COL21A1: variants seen among roughly 807,000 people sequenced by gnomAD.
COL21A1 encodes collagen alpha-1(XXI) chain.
COL21A1 carries 149 observed loss-of-function variants against 137.9 expected under a neutral mutation model. The observed-to-expected ratio is 1.08, with a 90% CI of 0.95 to 1.24. The LOEUF is 1.24. Among genes scored for constraint, COL21A1 ranks in the 50% most tolerant of loss-of-function variants. The probability of loss-of-function intolerance (pLI) is 0.00; values close to 1 mark genes in which losing one functional copy is unlikely to be tolerated. For synonymous variants in COL21A1, 456 were observed against 391.5 expected, an observed-to-expected ratio of 1.16 and a Z score of -1.95; for missense variants, 1,167 against 1,158.4, an observed-to-expected ratio of 1.01 and a Z score of -0.11.
chr6:56,217,579 T>A lies in COL21A1; in HGVS notation c.-39+29808A>T, dbSNP rs77682073. 8.3e-3 allele frequency among the ~76,000 whole-genome samples: 1,260 copies of A among 152,190 alleles called. 20 individuals are homozygous for A. The highest frequency in any genetic ancestry group is 0.029 in the African/African-American group (1,216 of 41,566). On this transcript the variant is annotated intron_variant, in intron 1 of 29. Transcript: ENST00000244728. ...TTAGCAGATAGAATCTGAAGCACAA[T>A]AAGGTTAAATATTCTAACCAATATT...
chr6:56,065,679 T>C (rs978388316), intron 23 of COL21A1, among the ~76,000 whole-genome samples: 2 of 151,720 alleles, frequency 1.3e-5, no homozygotes, highest in Non-Finnish European at 2.9e-5. Flanking sequence ...GAAAGGCAGG[T>C]AGTTTCTTTT....
At chr6:56,113,863 G>C (rs1771664765) in intron 16 of COL21A1, among the ~76,000 whole-genome samples, 1 of 152,140 alleles carries the variant, frequency 6.6e-6, no homozygotes, top group Non-Finnish European at 1.5e-5. Flanking sequence ...AGGCCAGGCA[G>C]CATTCACCAT....
intron 1 of COL21A1, among the ~76,000 whole-genome samples, chr6:56,386,744 G>A (rs949543900): frequency 3.9e-5 from 6 of 152,054 alleles, no homozygotes; most frequent in Non-Finnish European, 8.8e-5. Flanking sequence ...AAGGTTGTAT[G>A]TAAGAAGGAT....
intron 1 of COL21A1, among the ~76,000 whole-genome samples, chr6:56,207,549 C>T (rs1002857044): frequency 4.6e-5 from 7 of 152,030 alleles, no homozygotes; most frequent in Non-Finnish European, 7.4e-5. Flanking sequence ...AATTAATAGC[C>T]TACCAACCAA....
chr6:56,108,445 G>T lies in COL21A1; in HGVS notation c.1759-6920C>A, dbSNP rs541944714. On this transcript the variant is annotated intron_variant, in intron 16 of 29. Coordinates refer to ENST00000244728, the MANE Select transcript of COL21A1 (RefSeq NM_030820.4). ...TGCAGCAAGCAAATAAAAATAAAAA[G>T]AAAACGTGTAATCCTGATACTGGAG... is the stretch of plus-strand genomic sequence containing the variant. Among the ~76,000 whole-genome samples the T allele has an allele frequency of 2.9e-3, 441 of 152,012 alleles. 1 individual carries two copies. The highest frequency in any genetic ancestry group is 6.8e-3 in the Middle Eastern group (2 of 294).
At chr6:56,357,977 T>C (rs1765872523) in intron 1 of COL21A1, among the ~76,000 whole-genome samples, 1 of 152,202 alleles carries the variant, frequency 6.6e-6, no homozygotes, top group African/African-American at 2.4e-5. Flanking sequence ...CTCAATTTCT[T>C]CGTACTTACC....
chr6:56,063,570 C>T (rs1270892825), intron 24 of COL21A1, among the ~76,000 whole-genome samples: 1 of 151,976 alleles, frequency 6.6e-6, no homozygotes, highest in Non-Finnish European at 1.5e-5. Context: ...CCAATCATTC[C>T]TCCTCTTGGT....
chr6:56,084,254 G>C (rs1171245293), intron 17 of COL21A1, among the ~76,000 whole-genome samples: 1 of 150,946 alleles, frequency 6.6e-6, no homozygotes, highest in Non-Finnish European at 1.5e-5. Context: ...AGAGAGATTA[G>C]ATTGCTTTAT....
intron 9 of COL21A1, among the ~76,000 whole-genome samples, chr6:56,159,837 G>A (rs1415457065): frequency 2.0e-5 from 3 of 151,872 alleles, no homozygotes; most frequent in Non-Finnish European, 4.4e-5. Flanking sequence ...AATTTGGCAC[G>A]GAAAAGGGAC....
chr6:56,088,974 TG>T (rs1356245168), intron 17 of COL21A1, among the ~76,000 whole-genome samples: 2 of 152,034 alleles, frequency 1.3e-5, no homozygotes, highest in Non-Finnish European at 2.9e-5. Flanking sequence ...TTTGTAGAGA[TG>T]GGGTTTTGCG....
chr6:56,376,829 A>G (rs1300718188), intron 1 of COL21A1, among the ~76,000 whole-genome samples: 1 of 81,374 alleles, frequency 1.2e-5, no homozygotes, highest in Admixed American at 1.4e-4. Context: ...ATCGACGCCC[A>G]CCCCCCACCC....
chr6:56,212,881 T>C (rs758089518), intron 1 of COL21A1, among the ~76,000 whole-genome samples: 18 of 152,070 alleles, frequency 1.2e-4, no homozygotes, highest in Non-Finnish European at 2.2e-4. Context: ...ATTATTTTTA[T>C]TCATTAATAG....
chr6:56,252,092 A>G (rs1451580178), upstream of COL21A1, among the ~76,000 whole-genome samples: 2 of 152,176 alleles, frequency 1.3e-5, no homozygotes, highest in Non-Finnish European at 2.9e-5. Flanking sequence ...CTTCTTTCAG[A>G]ATGAGCTTCA....
At chr6:56,322,215 T>A (rs569444681) in intron 1 of COL21A1, among the ~76,000 whole-genome samples, 19 of 152,188 alleles carry the variant, frequency 1.2e-4, no homozygotes, top group Non-Finnish European at 2.6e-4. Flanking sequence ...CACTGAAAAC[T>A]GCAATGCCTG....
At chr6:56,129,204 C>A (rs1183676802) in intron 12 of COL21A1, among the ~76,000 whole-genome samples, 2 of 152,102 alleles carry the variant, frequency 1.3e-5, no homozygotes, top group African/African-American at 4.8e-5. Flanking sequence ...ATTTCCGGAA[C>A]CTGTGGAGTA....
rs1369949997 is a variant in COL21A1 at position 56,356,765 on chromosome 6, C to T, written c.-39+37206G>A. On this transcript the variant is annotated intron_variant, in intron 1 of 28. Coordinates refer to the COL21A1 transcript ENST00000370819. Reference sequence around the variant, plus strand: ...TTTGCTGAAAATAATTAAAATTTCTCCATGGAGGAGCCCTGCTGCCCAATT... The same window carrying T: ...TTTGCTGAAAATAATTAAAATTTCTTCATGGAGGAGCCCTGCTGCCCAATT... 3.9e-5 allele frequency among the ~76,000 whole-genome samples: 6 copies of T among 152,274 alleles called. No individual in the cohort carries two copies. In the East Asian group the frequency reaches 9.7e-4, roughly 25 times the overall value.
At chr6:56,310,292 G>A (rs1445283577) in intron 1 of COL21A1, among the ~76,000 whole-genome samples, 1 of 152,174 alleles carries the variant, frequency 6.6e-6, no homozygotes, top group African/African-American at 2.4e-5. Context: ...GCTGCCACTA[G>A]AGGAAGTTTT....
At chr6:56,193,947 G>T (rs1032858444) in intron 1 of COL21A1, among the ~76,000 whole-genome samples, 1 of 152,022 alleles carries the variant, frequency 6.6e-6, no homozygotes, top group Non-Finnish European at 1.5e-5. Context: ...TAGAGACTGG[G>T]TTTCACCATA....
At chr6:56,171,798 G>A (rs11756939) in intron 3 of COL21A1, among the ~76,000 whole-genome samples, 14,938 of 151,528 alleles carry the variant, frequency 0.099, 933 homozygotes, top group South Asian at 0.23. Flanking sequence ...ATTTTCTTAA[G>A]AATAATCATT....
Sources: gnomAD v4.1 joint callset for allele counts (sites outside exome capture counted in the v4.1 genomes callset) on GRCh38, gnomAD v4.1.1 for gene constraint, MANE v1.5 for transcripts, NCBI Gene and HGNC (gene_info 2026-07-23, HGNC 2026-07-21) for gene names.